HAUS1: variants seen among roughly 807,000 people sequenced by gnomAD.
The protein encoded by HAUS1 is HAUS augmin-like complex subunit 1.
Under a neutral mutation model 38.6 loss-of-function variants are expected in HAUS1, and 25 were observed. The observed-to-expected ratio is 0.65, with a 90% CI of 0.47 to 0.91. The LOEUF (loss-of-function observed/expected upper bound fraction) is 0.91. Among genes scored for constraint, HAUS1 ranks in the 40% least tolerant of loss-of-function variants. The probability of loss-of-function intolerance (pLI) is 0.00; values close to 1 mark genes in which losing one functional copy is unlikely to be tolerated. For missense variants in HAUS1, 325 were observed against 328.4 expected, an observed-to-expected ratio of 0.99 and a Z score of 0.08; for synonymous variants, 109 against 112.9, an observed-to-expected ratio of 0.97 and a Z score of 0.22.
At position 46,125,730 on chromosome 18, in the gene HAUS1, ATT is replaced by A; in HGVS notation, c.739-6_739-5del. The A allele has an allele frequency of 6.4e-7, 1 of 1,555,466 alleles. No homozygotes were observed. The highest frequency in any genetic ancestry group is 8.8e-7 in the Non-Finnish European group (1 of 1,134,042). On this transcript the variant is annotated splice_polypyrimidine_tract_variant and intron_variant, in intron 7 of 8. Transcript: ENST00000282058. Reference sequence around the variant, plus strand: ...AGGCAATATAACCTTTCCTTGTTTTATTTTTTTTTAAAGAATCCGTCTCTTGC... The same window carrying A: ...AGGCAATATAACCTTTCCTTGTTTTATTTTTTTAAAGAATCCGTCTCTTGC...
chr18:46,104,460 G>A lies in HAUS1; in HGVS notation c.30+19G>A, dbSNP rs1419044046. ...AACGCAGGTGATGGGGCGGGAATGG[G>A]GATCGTTGGCCTCCTGGAAAACGCG... On this transcript the variant is annotated intron_variant, in intron 1 of 8. Transcript: ENST00000282058. 1 of 1,469,706 alleles carries A rather than the reference G, an allele frequency of 6.8e-7. No homozygotes were observed. Among genetic ancestry groups the A allele is most frequent in the East Asian group, 2.8e-5 (1 of 35,500 alleles). The allele number at this position is 1,469,706 out of a possible 1,614,324, so 91.0% of individuals were successfully genotyped here.
intron 7 of HAUS1, among the ~76,000 whole-genome samples, chr18:46,125,375 C>T (rs899885321): frequency 2.0e-5 from 3 of 151,824 alleles, no homozygotes; most frequent in South Asian, 2.1e-4. Flanking sequence ...ATGGTGAAAC[C>T]CCGTCTCTAC....
At chr18:46,104,497 C>T in intron 1 of HAUS1, 56 bp downstream of exon 1, 1 of 1,387,162 alleles carries the variant, frequency 7.2e-7, no homozygotes, top group Non-Finnish European at 9.5e-7. Context: ...TTTTGACACC[C>T]CCGCGCCGAC....
intron 7 of HAUS1, 151 bp downstream of exon 7, chr18:46,125,044 GAGGT>G: frequency 1.9e-6 from 1 of 520,856 alleles, no homozygotes. Flanking sequence ...CTGATCACCT[GAGGT>G]CAGGAGTTAG....
intron 2 of HAUS1, among the ~76,000 whole-genome samples, chr18:46,108,271 C>CTTTTT (rs1166729740): frequency 6.9e-5 from 8 of 115,212 alleles, no homozygotes; most frequent in Non-Finnish European, 9.1e-5. Flanking sequence ...GAATTTACTT[C>CTTTTT]TTTTTTTTTT....
chr18:46,124,069 C>T (rs1912027694), intron 6 of HAUS1, among the ~76,000 whole-genome samples: 1 of 152,048 alleles, frequency 6.6e-6, no homozygotes, highest in Non-Finnish European at 1.5e-5. Flanking sequence ...CTCTTAATCA[C>T]ATTCTTTTCT....
intron 4 of HAUS1, among the ~76,000 whole-genome samples, chr18:46,121,450 C>T (rs1911941429): frequency 6.6e-6 from 1 of 151,972 alleles, no homozygotes; most frequent in South Asian, 2.1e-4. Flanking sequence ...TATTTAGGAC[C>T]TCCTATTTCA....
chr18:46,112,941 T>C (rs1911691474), intron 2 of HAUS1, among the ~76,000 whole-genome samples: 2 of 112,690 alleles, frequency 1.8e-5, no homozygotes, highest in South Asian at 2.5e-4. Context: ...TTCCATATAA[T>C]ATATATAATA....
intron 2 of HAUS1, among the ~76,000 whole-genome samples, chr18:46,107,808 T>C (rs1911516343): frequency 6.6e-6 from 1 of 152,194 alleles, no homozygotes; most frequent in Admixed American, 6.6e-5. Flanking sequence ...ATTGGAACTT[T>C]TGGAAATATT....
In HAUS1 at chr18:46,122,408, G is replaced by C. The variant is rs903415963; in HGVS notation, c.477-59G>C. The C allele has an allele frequency of 2.0e-5, 31 of 1,555,438 alleles. 1 individual carries two copies. The South Asian group carries it at 2.9e-4, about 15-fold the overall frequency. On this transcript the variant is annotated intron_variant, in intron 4 of 8. Coordinates refer to ENST00000282058, the MANE Select transcript of HAUS1 (RefSeq NM_138443.4). ...ATCCAAAAGTAGTAGAGTTTCTATT[G>C]TACAATACTTTTACTGAGAAGAAGA... is the stretch of plus-strand genomic sequence containing the variant.
chr18:46,121,396 T>G (rs1471220279), intron 4 of HAUS1, among the ~76,000 whole-genome samples: 1 of 152,172 alleles, frequency 6.6e-6, no homozygotes, highest in African/African-American at 2.4e-5. Context: ...TTCACCATGT[T>G]GGCCAGGCTG....
At chr18:46,108,590 A>G (rs1675158498) in intron 2 of HAUS1, among the ~76,000 whole-genome samples, 1 of 152,124 alleles carries the variant, frequency 6.6e-6, no homozygotes, top group African/African-American at 2.4e-5. Context: ...TTCCCTCCAC[A>G]TACCATTTGC....
intron 6 of HAUS1, 71 bp downstream of exon 6, chr18:46,123,435 T>C (rs1912007948): frequency 1.9e-6 from 2 of 1,060,724 alleles, no homozygotes; most frequent in Non-Finnish European, 2.9e-6. Flanking sequence ...CATTTGTTTC[T>C]TTTTATTCGG....
chr18:46,105,032 T>C (rs958936462), intron 1 of HAUS1, among the ~76,000 whole-genome samples, 162 bp from the exon 2 acceptor site: 2 of 152,066 alleles, frequency 1.3e-5, no homozygotes, highest in Admixed American at 6.6e-5. Flanking sequence ...TTTTATTTCC[T>C]GATATCTAGT....
intron 2 of HAUS1, among the ~76,000 whole-genome samples, chr18:46,116,450 AC>A (rs1180893749): frequency 1.3e-5 from 2 of 151,882 alleles, no homozygotes; most frequent in Non-Finnish European, 2.9e-5. Flanking sequence ...AGTCTCAGCT[AC>A]CTGGGAGGCT....
intron 2 of HAUS1, among the ~76,000 whole-genome samples, chr18:46,108,131 T>C (rs2144244583): frequency 6.6e-6 from 1 of 152,252 alleles, no homozygotes; most frequent in South Asian, 2.1e-4. Context: ...TCCAATATGA[T>C]GTTGGATAGA....
At chr18:46,116,239 T>C (rs1911793498) in intron 2 of HAUS1, among the ~76,000 whole-genome samples, 1 of 151,968 alleles carries the variant, frequency 6.6e-6, no homozygotes, top group African/African-American at 2.4e-5. Flanking sequence ...ATGGGACTTG[T>C]ATCTACAACA....
chr18:46,120,053 C>G lies in HAUS1; in HGVS notation c.469C>G (p.Leu157Val), dbSNP rs750434236. 4.4e-6 allele frequency: 7 copies of G among 1,590,108 alleles called. No homozygotes were observed. The highest frequency in any genetic ancestry group is 6.0e-6 in the Non-Finnish European group (7 of 1,164,528). ...LTATLVLEKC[L>V]QEDVKKAELH... Reference sequence around the variant, plus strand: ...TGCAACTTTAGTATTAGAAAAATGTCTACAAGAGTAAGTAATTGAGTTCAG... The same window carrying G: ...TGCAACTTTAGTATTAGAAAAATGTGTACAAGAGTAAGTAATTGAGTTCAG... Residue 157 changes from leucine (L) to valine (V), a missense_variant, in exon 4 of 9, where the codon CTA becomes GTA. By Grantham distance (32) the Leu-to-Val change is conservative (BLOSUM62 1). Coordinates refer to ENST00000282058, the MANE Select transcript of HAUS1 (RefSeq NM_138443.4).
At chr18:46,123,104 A>G (rs568551031) in intron 5 of HAUS1, 195 bp from the exon 6 acceptor site, 164 of 501,692 alleles carry the variant, frequency 3.3e-4, no homozygotes, top group South Asian at 2.9e-3. Flanking sequence ...CCAGCTACTC[A>G]GGAGGCTGAG....
Sources: allele counts gnomAD v4.1 joint callset (sites outside exome capture counted in the v4.1 genomes callset), GRCh38; gene constraint gnomAD v4.1.1; transcripts MANE v1.5; gene names NCBI Gene and HGNC (gene_info 2026-07-23, HGNC 2026-07-21).